Variants in FRMD6 observed in about 807,000 individuals in gnomAD.
FRMD6 encodes FERM domain-containing protein 6.
In FRMD6, 37 loss-of-function variants were observed where a neutral mutation model predicts 73.2. That is an observed-to-expected ratio of 0.51 (90% CI 0.39 to 0.66). The LOEUF is 0.66. FRMD6 is among the 30% of genes least tolerant of loss of function. The probability of loss-of-function intolerance (pLI) is 0.00; values close to 1 mark genes in which losing one functional copy is unlikely to be tolerated. For missense variants in FRMD6, 714 were observed against 780.5 expected (o/e 0.91, Z 1.02); for synonymous variants, 273 against 282.2 (o/e 0.97, Z 0.33).
At chr14:51,518,012 C>T (rs1439708411) in intron 1 of FRMD6, among the ~76,000 whole-genome samples, 2 of 152,100 alleles carry the variant, frequency 1.3e-5, no homozygotes, top group African/African-American at 4.8e-5. Flanking sequence ...AACATACAAA[C>T]AATTAAGGAA....
intron 1 of FRMD6, among the ~76,000 whole-genome samples, chr14:51,667,416 A>G (rs1893681712): frequency 1.3e-5 from 2 of 152,224 alleles, no homozygotes; most frequent in South Asian, 4.1e-4. Flanking sequence ...ATTTACTGAC[A>G]TGTGTGACCC....
intron 2 of FRMD6, among the ~76,000 whole-genome samples, chr14:51,583,980 A>C (rs941778843): frequency 6.6e-6 from 1 of 152,238 alleles, no homozygotes; most frequent in Non-Finnish European, 1.5e-5. Flanking sequence ...TAGAGCCTTG[A>C]GCACCAGGTT....
chr14:51,716,613 C>G (rs1213713803), intron 10 of FRMD6, among the ~76,000 whole-genome samples: 1 of 152,230 alleles, frequency 6.6e-6, no homozygotes, highest in East Asian at 1.9e-4. Context: ...AAATGAGACC[C>G]GGTTTGGCAA....
chr14:51,474,772 G>A, the FRMD6 span, among the ~76,000 whole-genome samples: 1 of 152,294 alleles, frequency 6.6e-6, no homozygotes. Context: ...TTTGAACATG[G>A]GAGAGGTGGG....
intron 1 of FRMD6, among the ~76,000 whole-genome samples, chr14:51,663,027 G>C (rs963099976): frequency 2.0e-5 from 3 of 152,118 alleles, no homozygotes; most frequent in Admixed American, 6.6e-5. Flanking sequence ...AAAAAAGCTT[G>C]TCATTGATAC....
chr14:51,694,644 C>A (rs763260067), intron 2 of FRMD6, among the ~76,000 whole-genome samples: 2 of 152,110 alleles, frequency 1.3e-5, no homozygotes, highest in African/African-American at 4.8e-5. Flanking sequence ...GAGTTGTGAT[C>A]GTGCCACTGC....
At chr14:51,521,801 C>G (rs1884970861) in intron 1 of FRMD6, among the ~76,000 whole-genome samples, 1 of 151,436 alleles carries the variant, frequency 6.6e-6, no homozygotes, top group East Asian at 1.9e-4. Context: ...GAATTCAGCT[C>G]TTATTTCATC....
chr14:51,726,074 T>C (rs3825605), intron 13 of FRMD6, among the ~76,000 whole-genome samples: 42,180 of 152,142 alleles, frequency 0.28, 6,148 homozygotes, highest in African/African-American at 0.36. Context: ...TTTACTTAGA[T>C]AAGTTATAGA....
At chr14:51,600,704 GA>G (rs1889988068) in intron 2 of FRMD6, among the ~76,000 whole-genome samples, 1 of 152,196 alleles carries the variant, frequency 6.6e-6, no homozygotes, top group Admixed American at 6.5e-5. Flanking sequence ...CTTTTCAAAA[GA>G]AAGTTGTACC....
intron 1 of FRMD6, among the ~76,000 whole-genome samples, chr14:51,530,862 A>G (rs117635207): frequency 0.017 from 2,527 of 152,296 alleles, 49 homozygotes; most frequent in Admixed American, 0.066. Flanking sequence ...CACCTTAACA[A>G]AGAGATTGTC....
At chr14:51,663,027 G>T (rs963099976) in intron 1 of FRMD6, among the ~76,000 whole-genome samples, 3 of 152,118 alleles carry the variant, frequency 2.0e-5, no homozygotes, top group Non-Finnish European at 4.4e-5. Flanking sequence ...AAAAAAGCTT[G>T]TCATTGATAC....
At chr14:51,436,938 A>G in the FRMD6 span, 1 of 1,006,582 alleles carries the variant, frequency 9.9e-7, no homozygotes, top group Non-Finnish European at 1.5e-6. Flanking sequence ...GGGGAGGGAG[A>G]GGAGGATGAA....
chr14:51,578,322 A>T lies in FRMD6; in HGVS notation c.-147+7912A>T, dbSNP rs1172252017. On this transcript the variant is annotated intron_variant, in intron 2 of 14. Coordinates refer to the FRMD6 transcript ENST00000356218. ...AAAGAATATAAAGTAAGTGAAAAAT[A>T]AGTGGCACAAAGTGGCCACTGGAAG... Among the ~76,000 whole-genome samples the T allele has an allele frequency of 4.6e-5, 7 of 152,364 alleles. No individual in the cohort carries two copies. In the East Asian group the frequency reaches 1.2e-3, roughly 25 times the overall value.
At chr14:51,596,939 C>T (rs1277936287) in intron 2 of FRMD6, among the ~76,000 whole-genome samples, 1 of 152,242 alleles carries the variant, frequency 6.6e-6, no homozygotes, top group East Asian at 1.9e-4. Context: ...ATACATCACA[C>T]AGATGCCTCC....
chr14:51,704,721 T>G, intron 5 of FRMD6, 28 bp from the exon 6 acceptor site: 1 of 1,573,710 alleles, frequency 6.4e-7, no homozygotes. Flanking sequence ...CATCAAAATG[T>G]GAGTTCTGTT....
chr14:51,422,237 A>C, the FRMD6 span, among the ~76,000 whole-genome samples: 1 of 152,304 alleles, frequency 6.6e-6, no homozygotes. Flanking sequence ...ATGGCCTTTG[A>C]AAAGACTTTC....
the FRMD6 span, among the ~76,000 whole-genome samples, chr14:51,443,435 C>T: frequency 1.3e-5 from 2 of 152,194 alleles, no homozygotes; most frequent in Non-Finnish European, 2.9e-5. Flanking sequence ...TAATTCAACC[C>T]TCACTCTCTC....
intron 1 of FRMD6, among the ~76,000 whole-genome samples, chr14:51,557,293 G>T (rs1887193872): frequency 6.6e-6 from 1 of 151,346 alleles, no homozygotes; most frequent in Non-Finnish European, 1.5e-5. Flanking sequence ...TACATACATA[G>T]GAATATTATT....
intron 2 of FRMD6, among the ~76,000 whole-genome samples, chr14:51,611,523 C>G (rs532006058): frequency 6.6e-6 from 1 of 152,148 alleles, no homozygotes; most frequent in East Asian, 1.9e-4. Context: ...TCCTAAAGTA[C>G]GGTCAAGATT....
Sources: allele counts gnomAD v4.1 joint callset (sites outside exome capture counted in the v4.1 genomes callset), GRCh38; gene constraint gnomAD v4.1.1; transcripts MANE v1.5; gene names NCBI Gene and HGNC (gene_info 2026-07-23, HGNC 2026-07-21).